Variants in EXOC6 observed in about 807,000 individuals in gnomAD.
EXOC6 encodes exocyst complex component 6, also known as SEC15-like 1.
A neutral mutation model predicts 112.5 loss-of-function variants in EXOC6; 60 were observed. That is an observed-to-expected ratio of 0.53 (90% CI 0.43 to 0.66). EXOC6 has a LOEUF of 0.66. Ranked by LOEUF, EXOC6 falls within the 30% of genes least tolerant of loss-of-function variation. The pLI is 0.00. For synonymous variants in EXOC6, 295 were observed against 308.0 expected, an observed-to-expected ratio of 0.96 and a Z score of 0.44; for missense variants, 855 against 957.1, an observed-to-expected ratio of 0.89 and a Z score of 1.41.
intron 20 of EXOC6, among the ~76,000 whole-genome samples, chr10:93,031,811 C>T (rs532198383): frequency 8.5e-5 from 13 of 152,226 alleles, no homozygotes; most frequent in Non-Finnish European, 1.0e-4. Flanking sequence ...CCGTGCCCGC[C>T]CCCATGCCAT....
At chr10:92,899,515 A>C in intron 4 of EXOC6, 84 bp from the exon 5 acceptor site, 1 of 941,710 alleles carries the variant, frequency 1.1e-6, no homozygotes. Context: ...TTTGTAATAT[A>C]CTCTTTCCTG....
intron 1 of EXOC6, among the ~76,000 whole-genome samples, chr10:92,861,455 A>G (rs1305016127): frequency 6.6e-6 from 1 of 152,112 alleles, no homozygotes. Flanking sequence ...CCTCTGTTCT[A>G]TGACATCCTC....
At chr10:92,830,874 C>T (rs1846463483), upstream of EXOC6, among the ~76,000 whole-genome samples, 1 of 152,124 alleles carries the variant, frequency 6.6e-6, no homozygotes, top group South Asian at 2.1e-4. Context: ...GTCACACACG[C>T]CATTCTTTTT....
At chr10:93,023,445 T>C (rs1398162597) in intron 20 of EXOC6, among the ~76,000 whole-genome samples, 2 of 152,236 alleles carry the variant, frequency 1.3e-5, no homozygotes, top group Admixed American at 6.5e-5. Flanking sequence ...ACATACTTGC[T>C]AATGGAAGCC....
At chr10:93,020,892 T>TCTCAATACCATCTCTCAATACC (rs1844754087) in intron 20 of EXOC6, among the ~76,000 whole-genome samples, 1 of 151,242 alleles carries the variant, frequency 6.6e-6, no homozygotes, top group African/African-American at 2.4e-5. Flanking sequence ...CTCAATACTT[T>TCTCAATACCATCTCTCAATACC]GTCTCTCCCA....
intron 20 of EXOC6, among the ~76,000 whole-genome samples, chr10:93,033,787 A>G (rs1845383937): frequency 6.6e-6 from 1 of 152,236 alleles, no homozygotes. Context: ...CACTGGGGAA[A>G]AAGAAGTGAG....
intron 1 of EXOC6, among the ~76,000 whole-genome samples, chr10:92,874,316 A>T (rs1002342119): frequency 6.6e-6 from 1 of 152,072 alleles, no homozygotes; most frequent in Non-Finnish European, 1.5e-5. Flanking sequence ...CAGCCTGGTG[A>T]CCTCTTTGAC....
At chr10:93,035,576 C>G (rs1404940817) in intron 20 of EXOC6, among the ~76,000 whole-genome samples, 1 of 152,218 alleles carries the variant, frequency 6.6e-6, no homozygotes, top group Non-Finnish European at 1.5e-5. Context: ...AAATTGGGGC[C>G]TGTCGTGGTG....
At chr10:92,854,069 C>T (rs1847482017) in intron 1 of EXOC6, among the ~76,000 whole-genome samples, 1 of 149,518 alleles carries the variant, frequency 6.7e-6, no homozygotes, top group African/African-American at 2.5e-5. Context: ...AAGATATTGG[C>T]AAATTGCATA....
chr10:92,956,001 G>A (rs1021093140), intron 17 of EXOC6, among the ~76,000 whole-genome samples: 3 of 152,016 alleles, frequency 2.0e-5, no homozygotes, highest in African/African-American at 7.2e-5. Context: ...ATATTTCACA[G>A]TTTAAAAATT....
At chr10:93,014,100 A>G (rs1021015534) in intron 19 of EXOC6, 94 bp from the exon 20 acceptor site, 1 of 867,884 alleles carries the variant, frequency 1.2e-6, no homozygotes, top group Non-Finnish European at 1.8e-6. Flanking sequence ...AAATATTATA[A>G]TGCATTTATA....
chr10:92,834,785 A>G (rs146562360), exon 1 of EXOC6: 24 of 1,610,176 alleles, frequency 1.5e-5, no homozygotes, highest in Non-Finnish European at 1.8e-5. Context: ...GTCCTGGCTG[A>G]GATTCAGTCT....
chr10:92,829,006 T>C (rs1415333846), intron 1 of EXOC6, among the ~76,000 whole-genome samples: 1 of 152,018 alleles, frequency 6.6e-6, no homozygotes, highest in African/African-American at 2.4e-5. Flanking sequence ...GCCTGTAAAA[T>C]CGAGTTACAG....
chr10:93,048,260 T>G (rs537751993), intron 20 of EXOC6, among the ~76,000 whole-genome samples: 1 of 148,082 alleles, frequency 6.8e-6, no homozygotes, highest in Admixed American at 6.8e-5. Flanking sequence ...ACTTAAAGTA[T>G]AATAAAAAAA....
intron 18 of EXOC6, among the ~76,000 whole-genome samples, chr10:92,997,167 G>A (rs1843531480): frequency 6.6e-6 from 1 of 152,066 alleles, no homozygotes; most frequent in African/African-American, 2.4e-5. Flanking sequence ...CATTTCTAAA[G>A]TGCTTTCAGT....
rs143195429 is a variant in EXOC6, at chr10:92,898,154, C to G, written c.413-1445C>G. Reference sequence around the variant, plus strand: ...AAGTCATAGCTTGGGCATGGTGACTCATGACTGTAATCCCAGCACTTTAGG... The same window carrying G: ...AAGTCATAGCTTGGGCATGGTGACTGATGACTGTAATCCCAGCACTTTAGG... On this transcript the variant is annotated intron_variant, in intron 4 of 21. Coordinates refer to ENST00000260762, the MANE Select transcript of EXOC6 (RefSeq NM_019053.6). 7.9e-5 allele frequency among the ~76,000 whole-genome samples: 12 copies of G among 151,996 alleles called. No individual in the cohort carries two copies. The East Asian group carries it at 2.3e-3, about 29-fold the overall frequency.
At chr10:92,907,693 T>C (rs1850520822) in intron 5 of EXOC6, among the ~76,000 whole-genome samples, 1 of 152,192 alleles carries the variant, frequency 6.6e-6, no homozygotes, top group Non-Finnish European at 1.5e-5. Flanking sequence ...AGGAAATTAG[T>C]CAAGGATCAG....
chr10:93,014,014 G>A (rs145833101), intron 19 of EXOC6, among the ~76,000 whole-genome samples, 180 bp from the exon 20 acceptor site: 4 of 152,102 alleles, frequency 2.6e-5, no homozygotes, highest in African/African-American at 9.7e-5. Flanking sequence ...AACACTTGAG[G>A]TAATGGATGT....
chr10:92,842,627 A>G (rs1477143914), intron 1 of EXOC6, among the ~76,000 whole-genome samples: 3 of 151,990 alleles, frequency 2.0e-5, no homozygotes, highest in Non-Finnish European at 4.4e-5. Flanking sequence ...ATGACGAATA[A>G]GAAAACCAAC....
Sources: allele counts gnomAD v4.1 joint callset (sites outside exome capture counted in the v4.1 genomes callset), GRCh38; gene constraint gnomAD v4.1.1; transcripts MANE v1.5; gene names NCBI Gene and HGNC (gene_info 2026-07-23, HGNC 2026-07-21).